LRRC4C: variants seen among roughly 807,000 people sequenced by gnomAD.
The protein encoded by LRRC4C is leucine rich repeat containing 4C, also known as leucine-rich repeat-containing protein 4C.
In LRRC4C, 5 loss-of-function variants were observed where a neutral mutation model predicts 33.6. The ratio of observed to expected loss-of-function variants is 0.15; its 90% CI spans 0.08 to 0.31. The LOEUF (loss-of-function observed/expected upper bound fraction) is 0.31, where lower values mean the gene tolerates loss of function less well. Among genes scored for constraint, LRRC4C ranks in the 10% least tolerant of loss-of-function variants. The probability of loss-of-function intolerance (pLI) is 1.00; values close to 1 mark genes in which losing one functional copy is unlikely to be tolerated. For missense variants in LRRC4C, 560 were observed against 796.7 expected, an observed-to-expected ratio of 0.70 and a Z score of 3.58; for synonymous variants, 329 against 302.0, an observed-to-expected ratio of 1.09 and a Z score of -0.93.
chr11:41,224,640 T>A, intron 1 of LRRC4C, among the ~76,000 whole-genome samples: 1 of 152,210 alleles, frequency 6.6e-6, no homozygotes, highest in East Asian at 1.9e-4. Flanking sequence ...GACATGAATT[T>A]GTATCCCAGT....
intron 1 of LRRC4C, among the ~76,000 whole-genome samples, chr11:41,006,020 C>G (rs1157306213): frequency 6.6e-6 from 1 of 151,914 alleles, no homozygotes; most frequent in Non-Finnish European, 1.5e-5. Flanking sequence ...TTAAAGTAAA[C>G]TAGTCACACA....
chr11:41,434,674 T>C (rs1955364833), intron 1 of LRRC4C, among the ~76,000 whole-genome samples: 1 of 152,264 alleles, frequency 6.6e-6, no homozygotes, highest in Non-Finnish European at 1.5e-5. Context: ...CTACAAAGAC[T>C]AGCAAGAAGT....
intron 1 of LRRC4C, among the ~76,000 whole-genome samples, chr11:41,445,398 C>T (rs902336603): frequency 2.6e-5 from 4 of 152,112 alleles, no homozygotes; most frequent in East Asian, 1.9e-4. Flanking sequence ...CTGAGGCAAC[C>T]TGAATGCCCC....
chr11:41,089,852 G>T (rs1940276701), intron 1 of LRRC4C, among the ~76,000 whole-genome samples: 1 of 151,868 alleles, frequency 6.6e-6, no homozygotes. Flanking sequence ...GAAAAATATA[G>T]ATTTCTAATT....
At chr11:40,952,159 A>G (rs1048136099) in intron 1 of LRRC4C, among the ~76,000 whole-genome samples, 3 of 151,932 alleles carry the variant, frequency 2.0e-5, no homozygotes, top group African/African-American at 7.2e-5. Context: ...AGGATGGTGA[A>G]ATTAGCAATG....
intron 2 of LRRC4C, among the ~76,000 whole-genome samples, chr11:40,807,480 C>T (rs1302807153): frequency 1.6e-5 from 2 of 125,232 alleles, no homozygotes; most frequent in African/African-American, 7.9e-5. Context: ...CAGCTTTACT[C>T]CAACATTGAC....
chr11:40,401,101 C>A (rs1187316936), intron 3 of LRRC4C, among the ~76,000 whole-genome samples: 2 of 152,006 alleles, frequency 1.3e-5, no homozygotes, highest in African/African-American at 4.8e-5. Context: ...TCTGTACTGT[C>A]TTTTTAAACT....
At chr11:41,382,877 T>G (rs971259072) in intron 1 of LRRC4C, among the ~76,000 whole-genome samples, 4 of 152,132 alleles carry the variant, frequency 2.6e-5, no homozygotes, top group Admixed American at 1.3e-4. Flanking sequence ...TTGGGTTTTA[T>G]GCCTCACAGA....
At chr11:40,734,161 T>TA (rs982351571) in intron 2 of LRRC4C, among the ~76,000 whole-genome samples, 1 of 152,036 alleles carries the variant, frequency 6.6e-6, no homozygotes, top group Non-Finnish European at 1.5e-5. Context: ...CAATGCTTTT[T>TA]AAAAAAATAT....
chr11:41,168,869 T>C (rs1944847229), intron 1 of LRRC4C, among the ~76,000 whole-genome samples: 1 of 152,186 alleles, frequency 6.6e-6, no homozygotes, highest in African/African-American at 2.4e-5. Context: ...CTAACATCAC[T>C]ACAAGTCTCA....
intron 3 of LRRC4C, among the ~76,000 whole-genome samples, chr11:40,608,660 T>C (rs1466042963): frequency 6.6e-6 from 1 of 152,122 alleles, no homozygotes; most frequent in Admixed American, 6.5e-5. Flanking sequence ...TCCAACTACA[T>C]GCTAACTACA....
intron 3 of LRRC4C, among the ~76,000 whole-genome samples, chr11:40,528,488 AAG>A (rs1956147210): frequency 1.3e-5 from 2 of 152,154 alleles, no homozygotes; most frequent in Non-Finnish European, 2.9e-5. Flanking sequence ...TAAAAAAAAA[AAG>A]AAGTGTAGGC....
chr11:41,015,913 TC>T (rs530343064), intron 1 of LRRC4C, among the ~76,000 whole-genome samples: 104 of 151,824 alleles, frequency 6.9e-4, no homozygotes, highest in Non-Finnish European at 1.4e-3. Flanking sequence ...TGGCGTGAAC[TC>T]GGGAGGCGGA....
intron 1 of LRRC4C, among the ~76,000 whole-genome samples, chr11:41,191,097 C>A (rs540101346): frequency 1.3e-5 from 2 of 152,138 alleles, no homozygotes; most frequent in Non-Finnish European, 2.9e-5. Context: ...TTTTATTCTG[C>A]AATCTGTAGA....
chr11:40,943,040 C>T (rs778539604), intron 1 of LRRC4C, among the ~76,000 whole-genome samples: 4 of 152,062 alleles, frequency 2.6e-5, no homozygotes, highest in Admixed American at 6.6e-5. Context: ...TATCTTGGCC[C>T]ACATGTATGA....
chr11:40,522,295 G>A (rs1042607079), intron 3 of LRRC4C, among the ~76,000 whole-genome samples: 1 of 152,214 alleles, frequency 6.6e-6, no homozygotes, highest in Admixed American at 6.5e-5. Flanking sequence ...CTCCCAAAGT[G>A]CTGGAATTAT....
At position 41,424,495 on chromosome 11, in the gene LRRC4C, C is replaced by T. The variant is rs145421636; in HGVS notation, c.-496+34936G>A. Among the ~76,000 whole-genome samples the T allele has an allele frequency of 2.6e-5, 4 of 151,962 alleles. No homozygotes were observed. In the East Asian group the frequency reaches 5.8e-4, roughly 22 times the overall value. ...GAAGGATTTAAAATAAGGTAAAAAT[C>T]AGTTTAAAATAAGGTAAAAAATCAG... On this transcript the variant is annotated intron_variant, in intron 1 of 6. Coordinates refer to ENST00000528697, the MANE Select transcript of LRRC4C (RefSeq NM_001258419.2).
At chr11:40,131,414 G>A (rs1334653646) in intron 6 of LRRC4C, among the ~76,000 whole-genome samples, 1 of 152,082 alleles carries the variant, frequency 6.6e-6, no homozygotes, top group African/African-American at 2.4e-5. Flanking sequence ...ACGGTTTAGG[G>A]TAAAAATCTA....
chr11:41,149,756 T>G (rs1270327541), intron 1 of LRRC4C, among the ~76,000 whole-genome samples: 1 of 152,064 alleles, frequency 6.6e-6, no homozygotes, highest in Non-Finnish European at 1.5e-5. Context: ...GCTTGGTACA[T>G]GAAGGTGCAA....
Sources: gnomAD v4.1 joint callset for allele counts (sites outside exome capture counted in the v4.1 genomes callset) on GRCh38, gnomAD v4.1.1 for gene constraint, MANE v1.5 for transcripts, NCBI Gene and HGNC (gene_info 2026-07-23, HGNC 2026-07-21) for gene names.